The following TJP2 variants were observed in gnomAD, a reference collection of about 807,000 sequenced individuals.
The protein encoded by TJP2 is Friedreich ataxia region gene X104 (tight junction protein ZO-2).
A neutral mutation model predicts 133.1 loss-of-function variants in TJP2; 91 were observed. The observed-to-expected ratio is 0.68, with a 90% CI of 0.58 to 0.81. The LOEUF is 0.81. TJP2 is among the 40% of genes least tolerant of loss of function. The probability of loss-of-function intolerance (pLI) is 0.00; values close to 1 mark genes in which losing one functional copy is unlikely to be tolerated. For missense variants in TJP2, 1,541 were observed against 1,565.6 expected (o/e 0.98, Z 0.26); for synonymous variants, 592 against 583.4 (o/e 1.01, Z -0.21).
At chr9:69,137,200 G>A (rs1358838390) in intron 1 of TJP2, among the ~76,000 whole-genome samples, 1 of 115,886 alleles carries the variant, frequency 8.6e-6, no homozygotes, top group Non-Finnish European at 1.8e-5. Flanking sequence ...TTCAACCAAT[G>A]ATCATGAGCT....
intron 1 of TJP2, among the ~76,000 whole-genome samples, chr9:69,139,011 C>T (rs1258324437): frequency 6.6e-6 from 1 of 152,042 alleles, no homozygotes; most frequent in South Asian, 2.1e-4. Context: ...GTCAGGAGTT[C>T]GAGACCAGTC....
chr9:69,138,351 C>T (rs1019083310), intron 1 of TJP2, among the ~76,000 whole-genome samples: 1 of 151,874 alleles, frequency 6.6e-6, no homozygotes, highest in Non-Finnish European at 1.5e-5. Flanking sequence ...CTTTTCCCAG[C>T]TGGTTTGCTA....
At chr9:69,197,210 A>T (rs550638082) in intron 1 of TJP2, among the ~76,000 whole-genome samples, 1 of 151,644 alleles carries the variant, frequency 6.6e-6, no homozygotes, top group Non-Finnish European at 1.5e-5. Context: ...ACCTGCCTCG[A>T]CCTCCCACAG....
At chr9:69,137,616 G>A (rs557267760) in intron 1 of TJP2, among the ~76,000 whole-genome samples, 8 of 151,880 alleles carry the variant, frequency 5.3e-5, no homozygotes, top group African/African-American at 1.4e-4. Flanking sequence ...TGCCCGCTTC[G>A]GCCTCCCAAA....
chr9:69,222,473 C>T (rs1828962455), intron 5 of TJP2, among the ~76,000 whole-genome samples: 1 of 152,140 alleles, frequency 6.6e-6, no homozygotes, highest in Non-Finnish European at 1.5e-5. Context: ...GCCGAGCTAT[C>T]TCTTAATTGC....
chr9:69,197,491 G>C (rs1826670384), intron 1 of TJP2, among the ~76,000 whole-genome samples: 1 of 152,102 alleles, frequency 6.6e-6, no homozygotes, highest in South Asian at 2.1e-4. Context: ...TGAGTTCTGT[G>C]ATGTACTTGT....
intron 4 of TJP2, 45 bp from the exon 5 acceptor site, chr9:69,220,842 A>G (rs200187766): frequency 7.0e-4 from 1,105 of 1,583,650 alleles, no homozygotes; most frequent in Non-Finnish European, 8.8e-4. Context: ...CTCCACATTC[A>G]GTTGTGATTG....
At chr9:69,246,631 A>C (rs764945509) in intron 17 of TJP2, 59 bp from the exon 18 acceptor site, 86 of 1,395,478 alleles carry the variant, frequency 6.2e-5, no homozygotes, top group Non-Finnish European at 8.8e-5. Flanking sequence ...GTCAAATAGC[A>C]TCCTTAATAA....
chr9:69,237,770 A>C, intron 14 of TJP2, 108 bp from the exon 15 acceptor site: 1 of 797,748 alleles, frequency 1.3e-6, no homozygotes, highest in East Asian at 2.7e-5. Flanking sequence ...GAGAAACCAC[A>C]GTTTCTTTCG....
Position 69,198,141 on chromosome 9 carries a change from C to CTTTTTT in TJP2, c.61-14394_61-14389dup, listed in dbSNP as rs5898062. 1.2e-4 allele frequency among the ~76,000 whole-genome samples: 12 copies of CTTTTTT among 96,350 alleles called. 1 individual carries two copies. The highest frequency in any genetic ancestry group is 1.9e-4 in the African/African-American group (5 of 26,850). 63.2% of individuals were successfully genotyped at this position (96,350 alleles called of 152,430 possible). On this transcript the variant is annotated intron_variant, in intron 1 of 22. Transcript: ENST00000377245. ...GGCACCCTGTCATCCTTTCCCAATTCTTTTTTTTTTTTTTTTTTGAGACTG... is the reference window on the plus strand; with the variant it reads ...GGCACCCTGTCATCCTTTCCCAATTCTTTTTTTTTTTTTTTTTTTTTTTTGAGACTG...
At chr9:69,131,371 G>A (rs778558715) in intron 1 of TJP2, among the ~76,000 whole-genome samples, 5 of 152,198 alleles carry the variant, frequency 3.3e-5, no homozygotes, top group Admixed American at 2.0e-4. Flanking sequence ...TTTGCTACAG[G>A]AAAGAAATCC....
Position 69,230,173 on chromosome 9 carries a change from A to C in TJP2, c.1612A>C (p.Ile538Leu). 6.2e-7 allele frequency: 1 copy of C among 1,614,192 alleles called. No homozygotes were observed. The highest frequency in any genetic ancestry group is 8.5e-7 in the Non-Finnish European group (1 of 1,180,030). Residue 538 changes from isoleucine (I) to leucine (L), a missense_variant, in exon 11 of 23, where the codon ATT becomes CTT. Transcript: ENST00000377245. ...GNDVGIFVAG[I>L]QEGTSAEQEG... is the part of the protein sequence containing the mutation. ...TGATGTCGGGATATTTGTTGCTGGC[A>C]TTCAAGAAGGGACCTCGGCGGAGCA...
At chr9:69,140,712 C>T (rs1028803633) in intron 1 of TJP2, among the ~76,000 whole-genome samples, 2 of 152,214 alleles carry the variant, frequency 1.3e-5, no homozygotes, top group Non-Finnish European at 1.5e-5. Flanking sequence ...AACACCTCAT[C>T]GCTCATGTGC....
intron 1 of TJP2, among the ~76,000 whole-genome samples, chr9:69,178,664 TGTG>T (rs1825270486): frequency 6.6e-6 from 1 of 152,234 alleles, no homozygotes; most frequent in Non-Finnish European, 1.5e-5. Context: ...ATCTCTTAGA[TGTG>T]GTTGCAGACA....
rs559261862 is a variant in TJP2, at chr9:69,218,176, GCTTCTATTTGTTC to G, written c.240-78_240-66del. On this transcript the variant is annotated intron_variant, in intron 3 of 22. Transcript: ENST00000377245. ...AGAAAGCCTTTCAGGTCTATTTGCT[GCTTCTATTTGTTC>G]CTAAATAAATAATTTACAATGAATA... 2.2e-3 allele frequency: 2,627 copies of G among 1,195,690 alleles called. 67 individuals are homozygous for G. In the South Asian group the frequency reaches 0.031, roughly 14 times the overall value. 74.1% of individuals were successfully genotyped at this position (1,195,690 alleles called of 1,614,324 possible).
At chr9:69,234,895 C>G (rs1830070984) in intron 12 of TJP2, among the ~76,000 whole-genome samples, 2 of 152,260 alleles carry the variant, frequency 1.3e-5, no homozygotes, top group South Asian at 4.1e-4. Context: ...GCCTGTTACC[C>G]CTGTCCAGTC....
At chr9:69,204,776 A>G (rs903415485) in intron 1 of TJP2, 1 of 1,026,502 alleles carries the variant, frequency 9.7e-7, no homozygotes, top group African/African-American at 1.7e-5. Context: ...CTGTATAAAT[A>G]CTTCTCTAAA....
At chr9:69,172,773 A>G (rs2132922019), upstream of TJP2, among the ~76,000 whole-genome samples, 1 of 152,056 alleles carries the variant, frequency 6.6e-6, no homozygotes, top group African/African-American at 2.4e-5. Context: ...GGGTCTCACT[A>G]TGTTGCCCAG....
At chr9:69,129,885 C>T (rs1368310004) in intron 1 of TJP2, among the ~76,000 whole-genome samples, 1 of 151,720 alleles carries the variant, frequency 6.6e-6, no homozygotes, top group Non-Finnish European at 1.5e-5. Context: ...GGCGTGGTGG[C>T]GTGCCTGTAA....
Sources: gnomAD v4.1 joint callset for allele counts (sites outside exome capture counted in the v4.1 genomes callset) on GRCh38, gnomAD v4.1.1 for gene constraint, MANE v1.5 for transcripts, NCBI Gene and HGNC (gene_info 2026-07-23, HGNC 2026-07-21) for gene names.